The following SEC23A variants were observed in gnomAD, a reference collection of about 807,000 sequenced individuals.
The protein encoded by SEC23A is SEC23 homolog A, COPII component, also known as protein transport protein Sec23A.
SEC23A carries 56 observed loss-of-function variants against 103.7 expected under a neutral mutation model. The ratio of observed to expected loss-of-function variants is 0.54; its 90% confidence interval spans 0.44 to 0.67. The LOEUF (loss-of-function observed/expected upper bound fraction) is 0.67, where lower values mean the gene tolerates loss of function less well. Ranked by LOEUF, SEC23A falls within the 30% of genes least tolerant of loss-of-function variation. SEC23A has a pLI of 0.00. For missense variants in SEC23A, 784 were observed against 936.4 expected, an observed-to-expected ratio of 0.84 and a Z score of 2.12; for synonymous variants, 281 against 293.0, an observed-to-expected ratio of 0.96 and a Z score of 0.42.
chr14:39,069,449 G>C (rs1476781942), intron 9 of SEC23A, among the ~76,000 whole-genome samples: 1 of 151,762 alleles, frequency 6.6e-6, no homozygotes, highest in African/African-American at 2.4e-5. Context: ...AACATCACAG[G>C]TACATTCTCT....
intron 14 of SEC23A, 100 bp downstream of exon 14, chr14:39,055,043 C>A: frequency 7.2e-7 from 1 of 1,394,778 alleles, no homozygotes; most frequent in South Asian, 1.2e-5. Context: ...TACAGTATTT[C>A]AGATACACTG....
chr14:39,091,489 G>A lies in SEC23A; in HGVS notation c.591C>T (p.Ala197=). The change falls in exon 5 of 20, where the codon GCC becomes GCT. Residue 197 remains alanine, a synonymous_variant. Coordinates refer to ENST00000307712, the MANE Select transcript of SEC23A (RefSeq NM_006364.4). ...YVFRGTKDLS[A]KQLQEMLGLS... is the part of the protein sequence containing the mutation. ...TCTTGTTGTTTACCTGCAGTTGTTT[G>A]GCAGACAAATCTTTTGTTCCTCTGA... 6.2e-7 allele frequency: 1 copy of A among 1,612,816 alleles called. No individual in the cohort carries two copies. The highest frequency in any genetic ancestry group is 8.5e-7 in the Non-Finnish European group (1 of 1,178,946).
At chr14:39,072,156 C>T (rs374307536) in intron 9 of SEC23A, among the ~76,000 whole-genome samples, 3 of 150,928 alleles carry the variant, frequency 2.0e-5, no homozygotes, top group African/African-American at 7.3e-5. Context: ...CACTTGAACC[C>T]AGGAGGCAGA....
intron 7 of SEC23A, among the ~76,000 whole-genome samples, chr14:39,083,817 G>A (rs762569149): frequency 4.0e-5 from 6 of 151,576 alleles, no homozygotes; most frequent in Non-Finnish European, 7.4e-5. Flanking sequence ...CACCCACCTC[G>A]GCCTCCCACG....
chr14:39,091,782 G>C, intron 4 of SEC23A, 69 bp from the exon 5 acceptor site: 2 of 1,009,756 alleles, frequency 2.0e-6, no homozygotes, highest in Non-Finnish European at 1.6e-6. Context: ...AGTCAACAGG[G>C]AACTAATTAA....
intron 10 of SEC23A, 49 bp downstream of exon 10, chr14:39,067,124 T>C (rs772950110): frequency 6.2e-7 from 1 of 1,607,554 alleles, no homozygotes; most frequent in Non-Finnish European, 8.5e-7. Context: ...CTCAAGCCTA[T>C]AAGTTGTCTT....
chr14:39,049,504 T>G (rs550961559), intron 14 of SEC23A, among the ~76,000 whole-genome samples: 2 of 149,538 alleles, frequency 1.3e-5, no homozygotes, highest in East Asian at 2.0e-4. Flanking sequence ...GAGCCAAGTG[T>G]GCTGACTCAT....
intron 7 of SEC23A, among the ~76,000 whole-genome samples, chr14:39,083,745 AG>A (rs1307178474): frequency 1.3e-5 from 2 of 151,210 alleles, no homozygotes; most frequent in Non-Finnish European, 2.9e-5. Context: ...TTGTATTTTT[AG>A]TAGAGACAGG....
At chr14:39,047,279 A>T in intron 15 of SEC23A, 1 of 589,636 alleles carries the variant, frequency 1.7e-6, no homozygotes, top group Non-Finnish European at 2.6e-6. Context: ...AAGTGTGCAG[A>T]ATTTAGTCAA....
intron 1 of SEC23A, among the ~76,000 whole-genome samples, chr14:39,097,276 T>G (rs1887920925): frequency 6.6e-6 from 1 of 152,104 alleles, no homozygotes. Context: ...GCTCTCAAAC[T>G]GCAACAGTAG....
At chr14:39,080,380 AAAG>A (rs1215009973) in intron 7 of SEC23A, among the ~76,000 whole-genome samples, 4 of 152,350 alleles carry the variant, frequency 2.6e-5, no homozygotes, top group South Asian at 2.1e-4. Context: ...AAAAGCAAGC[AAAG>A]AAGAGTCAAT....
chr14:39,033,431 T>C (rs1885367738), intron 19 of SEC23A, 103 bp from the exon 20 acceptor site: 1 of 98,194 alleles, frequency 1.0e-5, no homozygotes, highest in East Asian at 3.0e-4. Context: ...GAAATGCCTA[T>C]GGTCCTATTA....
At chr14:39,050,522 T>C (rs769407362) in intron 14 of SEC23A, among the ~76,000 whole-genome samples, 1 of 152,132 alleles carries the variant, frequency 6.6e-6, no homozygotes, top group South Asian at 2.1e-4. Flanking sequence ...CTGAGTCAAG[T>C]CTGATTAGAT....
intron 14 of SEC23A, among the ~76,000 whole-genome samples, chr14:39,049,175 TAAA>T (rs57579296): frequency 7.2e-6 from 1 of 138,424 alleles, no homozygotes; most frequent in South Asian, 2.3e-4. Context: ...CCATCGCTAT[TAAA>T]AAAAAAAAAA....
intron 4 of SEC23A, among the ~76,000 whole-genome samples, chr14:39,091,969 G>A (rs989062565): frequency 1.3e-5 from 2 of 152,104 alleles, no homozygotes; most frequent in Non-Finnish European, 1.5e-5. Context: ...CATGCATAAG[G>A]TTTCATTTGA....
At chr14:39,102,015 TGAGGTCAGGAGTTC>T (rs1888114861) in intron 1 of SEC23A, among the ~76,000 whole-genome samples, 1 of 152,090 alleles carries the variant, frequency 6.6e-6, no homozygotes, top group Non-Finnish European at 1.5e-5. Context: ...GCGGATCACC[TGAGGTCAGGAGTTC>T]GAGACCAGCC....
intron 13 of SEC23A, among the ~76,000 whole-genome samples, chr14:39,055,740 G>C (rs1244866907): frequency 6.6e-6 from 1 of 152,110 alleles, no homozygotes; most frequent in African/African-American, 2.4e-5. Flanking sequence ...AAGAAGCCAG[G>C]GCTCAAAGGA....
chr14:39,063,768 G>A (rs1260362334), intron 11 of SEC23A, among the ~76,000 whole-genome samples: 1 of 151,980 alleles, frequency 6.6e-6, no homozygotes, highest in African/African-American at 2.4e-5. Context: ...AGGCTGAGGC[G>A]GGCAGATCAC....
In SEC23A at chr14:39,077,267, G is replaced by A. The variant is rs570873487; in HGVS notation, c.829-1174C>T. Among the ~76,000 whole-genome samples the A allele has an allele frequency of 9.9e-5, 14 of 141,454 alleles. No homozygotes were observed. The East Asian group carries it at 1.3e-3, about 13-fold the overall frequency. The allele number at this position is 141,454 out of a possible 152,430, so 92.8% of individuals were successfully genotyped here. ...AAAAAAAAAAAAAAGAAAGAGGCCC[G>A]GCACGGTGACTCACACCTGTAATCC... On this transcript the variant is annotated intron_variant, in intron 7 of 19. Transcript: ENST00000307712.
Sources: allele counts gnomAD v4.1 joint callset (sites outside exome capture counted in the v4.1 genomes callset), GRCh38; gene constraint gnomAD v4.1.1; transcripts MANE v1.5; gene names NCBI Gene and HGNC (gene_info 2026-07-23, HGNC 2026-07-21).